Variants in CFAP20DC observed in about 807,000 individuals in gnomAD.
CFAP20DC encodes protein CFAP20DC.
In CFAP20DC, 84 loss-of-function variants were observed where a neutral mutation model predicts 101.7. The observed-to-expected ratio is 0.83, with a 90% CI of 0.69 to 0.99. The LOEUF is 0.99. Among genes scored for constraint, CFAP20DC ranks in the 50% least tolerant of loss-of-function variants. The probability of loss-of-function intolerance (pLI) is 0.00; values close to 1 mark genes in which losing one functional copy is unlikely to be tolerated. For synonymous variants in CFAP20DC, 359 were observed against 351.2 expected, an observed-to-expected ratio of 1.02 and a Z score of -0.25; for missense variants, 1,007 against 970.3, an observed-to-expected ratio of 1.04 and a Z score of -0.50.
intron 15 of CFAP20DC, among the ~76,000 whole-genome samples, chr3:58,761,476 CA>C (rs1559553437): frequency 1.3e-5 from 2 of 152,230 alleles, no homozygotes; most frequent in East Asian, 3.9e-4. Context: ...TTGATCTTCT[CA>C]AAAAACCAGC....
intron 4 of CFAP20DC, among the ~76,000 whole-genome samples, chr3:58,962,522 T>C (rs2091223059): frequency 6.6e-6 from 1 of 152,224 alleles, no homozygotes; most frequent in South Asian, 2.1e-4. Flanking sequence ...CTGTTCAGTA[T>C]TTTTGTTATT....
At chr3:58,848,308 A>G (rs1471480172) in intron 13 of CFAP20DC, among the ~76,000 whole-genome samples, 1 of 152,196 alleles carries the variant, frequency 6.6e-6, no homozygotes, top group African/African-American at 2.4e-5. Context: ...TAACTTGCTT[A>G]GAACATACTT....
chr3:58,952,800 G>A (rs1162183332), intron 4 of CFAP20DC, among the ~76,000 whole-genome samples: 1 of 152,084 alleles, frequency 6.6e-6, no homozygotes. Flanking sequence ...CACAGAGCTA[G>A]GTTCAGGGGT....
chr3:58,849,480 T>A (rs2078027170), intron 12 of CFAP20DC, 71 bp from the exon 13 acceptor site: 1 of 1,120,852 alleles, frequency 8.9e-7, no homozygotes, highest in Admixed American at 3.0e-5. Flanking sequence ...GAGTACAAGT[T>A]CTTAATAAAT....
intron 15 of CFAP20DC, among the ~76,000 whole-genome samples, chr3:58,756,428 G>C (rs1033216261): frequency 6.6e-6 from 1 of 151,898 alleles, no homozygotes; most frequent in Admixed American, 6.6e-5. Flanking sequence ...AACTGACTTC[G>C]GTTCTTTTTT....
Position 58,868,828 on chromosome 3 carries a change from T to G in CFAP20DC, c.1015+500A>C, listed in dbSNP as rs939580511. On this transcript the variant is annotated intron_variant, in intron 9 of 16. Coordinates refer to ENST00000482387, the MANE Select transcript of CFAP20DC (RefSeq NM_001394063.1). This position sits in a 1 kb window ranked among gnomAD's most constrained non-coding sequence, Gnocchi z 4.6. ...AGTCTTGGGTTCTGGTCTAAATTAT[T>G]TCTAAAGGTTACAAACTGCAAATCA... Among the ~76,000 whole-genome samples the G allele has an allele frequency of 3.3e-5, 5 of 152,212 alleles. No individual in the cohort carries two copies. The highest frequency in any genetic ancestry group is 1.2e-4 in the African/African-American group (5 of 41,454).
In CFAP20DC at chr3:58,847,718, G is replaced by A. The variant is rs1223714671; in HGVS notation, c.1971+1314C>T. On this transcript the variant is annotated intron_variant, in intron 13 of 16. Coordinates refer to ENST00000482387, the MANE Select transcript of CFAP20DC (RefSeq NM_001394063.1). ...TGCTGCTATAAAGACACATGCACAC[G>A]TATGTTTATTGCGGCATTATTCACA... Among the ~76,000 whole-genome samples, 1,164 of 135,108 alleles carry A rather than the reference G, an allele frequency of 8.6e-3. 17 individuals are homozygous for A. The highest frequency in any genetic ancestry group is 0.031 in the African/African-American group (1,105 of 36,124). 88.6% of individuals were successfully genotyped at this position (135,108 alleles called of 152,430 possible). A position where few individuals can be genotyped will look rare whatever the true frequency, so the allele number is the denominator to read the frequency against.
chr3:59,025,042 A>G (rs554894874), intron 4 of CFAP20DC, among the ~76,000 whole-genome samples: 2 of 152,270 alleles, frequency 1.3e-5, no homozygotes, highest in Admixed American at 1.3e-4. Context: ...ATTATGCCTT[A>G]ATTCATTGGA....
chr3:58,819,502 T>G (rs1197793474), intron 14 of CFAP20DC, among the ~76,000 whole-genome samples: 1 of 149,676 alleles, frequency 6.7e-6, no homozygotes, highest in East Asian at 2.0e-4. Flanking sequence ...CATCAGAGAA[T>G]ACTACAAACA....
chr3:59,028,047 G>C (rs1370910323), intron 4 of CFAP20DC, among the ~76,000 whole-genome samples: 1 of 152,184 alleles, frequency 6.6e-6, no homozygotes, highest in Non-Finnish European at 1.5e-5. Context: ...CTGAAAATGA[G>C]AGAATTCTGT....
chr3:59,037,795 T>C (rs1256380519), intron 4 of CFAP20DC, among the ~76,000 whole-genome samples: 1 of 152,176 alleles, frequency 6.6e-6, no homozygotes, highest in Non-Finnish European at 1.5e-5. Context: ...CAAAGGATTA[T>C]AAATCATTCC....
At chr3:59,030,849 A>G (rs2093978968) in intron 4 of CFAP20DC, among the ~76,000 whole-genome samples, 1 of 151,930 alleles carries the variant, frequency 6.6e-6, no homozygotes, top group African/African-American at 2.4e-5. Context: ...TTTGAGACGG[A>G]GTCTCGCTCT....
intron 5 of CFAP20DC, among the ~76,000 whole-genome samples, chr3:58,936,954 GC>G (rs2087754766): frequency 1.6e-5 from 2 of 122,798 alleles, no homozygotes; most frequent in African/African-American, 2.5e-5. Flanking sequence ...ATAAATTTAA[GC>G]CAAAAAAAAA....
intron 4 of CFAP20DC, among the ~76,000 whole-genome samples, chr3:58,967,453 G>A (rs542264366): frequency 6.6e-6 from 1 of 152,182 alleles, no homozygotes; most frequent in East Asian, 1.9e-4. Context: ...CTCAGGATAG[G>A]TAGTAGTTTC....
At chr3:58,753,915 T>A (rs746712908) in intron 15 of CFAP20DC, 52 bp from the exon 16 acceptor site, 7 of 1,291,892 alleles carry the variant, frequency 5.4e-6, no homozygotes, top group Non-Finnish European at 6.6e-6. Flanking sequence ...TATATAGATT[T>A]TAGGTTTCCC....
downstream of CFAP20DC, chr3:58,737,207 C>T (rs1326941054): frequency 1.1e-5 from 5 of 456,430 alleles, no homozygotes; most frequent in African/African-American, 2.0e-5. This position sits in a 1 kb window ranked among gnomAD's most constrained non-coding sequence, Gnocchi z 4.1. Flanking sequence ...ACAGCCTGGT[C>T]AGGAGTGTGT....
rs2084257154 is a variant in CFAP20DC at position 58,912,521 on chromosome 3, T to A, written c.550+1187A>T. ...AAGATTTCTCAGGCACACACCCAGA[T>A]GGAGCACAAATCTGAAGTCTAGATA... On this transcript the variant is annotated intron_variant, in intron 6 of 16. Transcript: ENST00000482387. This position sits in a 1 kb window ranked among gnomAD's most constrained non-coding sequence, Gnocchi z 4.4. 1 of 329,908 alleles carries A rather than the reference T, an allele frequency of 3.0e-6. No homozygotes were observed. The highest frequency in any genetic ancestry group is 5.9e-6 in the Non-Finnish European group (1 of 168,468). 20.4% of individuals were successfully genotyped at this position (329,908 alleles called of 1,614,324 possible).
Position 58,732,819 on chromosome 3 carries a change from T to A in CFAP20DC, c.198-15191A>T, listed in dbSNP as rs1245408195. Among the ~76,000 whole-genome samples the A allele has an allele frequency of 6.6e-6, 1 of 152,190 alleles. No individual in the cohort carries two copies. Among genetic ancestry groups the A allele is most frequent in the Admixed American group, 6.5e-5 (1 of 15,274 alleles). The stretch of plus-strand genomic sequence containing the variant: ...CCATGGTTTTGAAGACACTGGTATG[T>A]CTTTGGTGAAATGTTCTATATCTAT... On this transcript the variant is annotated intron_variant, in intron 3 of 3. Coordinates refer to the CFAP20DC transcript ENST00000486145. This position sits in a 1 kb window ranked among gnomAD's most constrained non-coding sequence, Gnocchi z 5.4.
intron 15 of CFAP20DC, among the ~76,000 whole-genome samples, chr3:58,792,457 C>T (rs573946440): frequency 6.6e-6 from 1 of 152,174 alleles, no homozygotes; most frequent in African/African-American, 2.4e-5. Flanking sequence ...AAAACTATTT[C>T]AATGCTTCAT....
Sources: gnomAD v4.1 joint callset for allele counts (sites outside exome capture counted in the v4.1 genomes callset) on GRCh38, gnomAD v4.1.1 for gene constraint, Gnocchi (gnomAD v3.1) non-coding constraint, MANE v1.5 for transcripts, NCBI Gene and HGNC (gene_info 2026-07-23, HGNC 2026-07-21) for gene names.